SV2C: variants seen among roughly 807,000 people sequenced by gnomAD.
SV2C encodes solute carrier family 22 member B3.
SV2C carries 49 observed loss-of-function variants against 79.7 expected under a neutral mutation model. The observed-to-expected ratio is 0.61, with a 90% CI of 0.49 to 0.78. The LOEUF is 0.78. SV2C is among the 30% of genes least tolerant of loss of function. SV2C has a pLI of 0.00. For missense variants in SV2C, 833 were observed against 912.9 expected, an observed-to-expected ratio of 0.91 and a Z score of 1.13; for synonymous variants, 334 against 333.2, an observed-to-expected ratio of 1.00 and a Z score of -0.03.
rs551498472 is a variant in SV2C, at chr5:76,264,821, C to T, written c.914-20341C>T. On this transcript the variant is annotated intron_variant, in intron 4 of 12. Transcript: ENST00000502798. ...CTTCCTCTGGAAGGTTCTTCCCCAA[C>T]GGGCACCAGCCTGATGCCAGCTGGA... Among the ~76,000 whole-genome samples, 67 of 152,304 alleles carry T rather than the reference C, an allele frequency of 4.4e-4. 1 individual carries two copies. Among genetic ancestry groups the T allele is most frequent in the African/African-American group, 1.2e-3 (48 of 41,556 alleles).
At chr5:76,125,502 A>G (rs1170784730) in intron 1 of SV2C, among the ~76,000 whole-genome samples, 3 of 152,140 alleles carry the variant, frequency 2.0e-5, no homozygotes, top group African/African-American at 7.2e-5. Context: ...GAGGGTGGGG[A>G]ATTCTGTTAT....
the SV2C span, among the ~76,000 whole-genome samples, chr5:76,037,264 A>C: frequency 0.82 from 124,592 of 152,248 alleles, 51,597 homozygotes; most frequent in African/African-American, 0.95. Context: ...CATTCTATGT[A>C]CAGCTTTGTT....
the SV2C span, among the ~76,000 whole-genome samples, chr5:76,036,603 C>A: frequency 6.6e-6 from 1 of 152,192 alleles, no homozygotes; most frequent in Non-Finnish European, 1.5e-5. Context: ...AGAATTTCTG[C>A]CGAGAGATCT....
chr5:76,141,823 C>CA (rs11313342), intron 2 of SV2C, among the ~76,000 whole-genome samples: 19,825 of 72,438 alleles, frequency 0.27, 2,991 homozygotes, highest in Non-Finnish European at 0.36. Flanking sequence ...AAGTCCATCT[C>CA]AAAAAAAAAA....
At chr5:76,159,285 T>A (rs981063429) in intron 2 of SV2C, among the ~76,000 whole-genome samples, 2 of 152,006 alleles carry the variant, frequency 1.3e-5, no homozygotes, top group African/African-American at 2.4e-5. Flanking sequence ...GCTGGGGCAA[T>A]TAAGTGAGAA....
chr5:76,032,446 G>A, the SV2C span, among the ~76,000 whole-genome samples: 1 of 151,832 alleles, frequency 6.6e-6, no homozygotes, highest in Admixed American at 6.6e-5. Flanking sequence ...CCCTTCCTGT[G>A]TCCATGTGTT....
At chr5:76,037,487 T>C in the SV2C span, among the ~76,000 whole-genome samples, 79 of 152,258 alleles carry the variant, frequency 5.2e-4, no homozygotes, top group East Asian at 1.5e-3. Context: ...AGCTGCAGGT[T>C]TGTTGGAGTA....
chr5:76,335,414 CTTT>C (rs869230352), downstream of SV2C, among the ~76,000 whole-genome samples: 10 of 98,118 alleles, frequency 1.0e-4, no homozygotes, highest in African/African-American at 2.8e-4. Flanking sequence ...ACACATTTTC[CTTT>C]TTTTTTTTTT....
the SV2C span, among the ~76,000 whole-genome samples, chr5:76,034,554 T>C: frequency 6.6e-6 from 1 of 152,194 alleles, no homozygotes; most frequent in Non-Finnish European, 1.5e-5. Context: ...ATTACATTTA[T>C]TGATTTGCGT....
intron 4 of SV2C, among the ~76,000 whole-genome samples, chr5:76,221,609 G>T (rs1745067470): frequency 6.6e-6 from 1 of 152,166 alleles, no homozygotes; most frequent in Non-Finnish European, 1.5e-5. Context: ...TTTGAAGGTA[G>T]GCATAGTTTG....
chr5:76,269,822 A>T (rs1405105547), intron 4 of SV2C, among the ~76,000 whole-genome samples: 1 of 152,224 alleles, frequency 6.6e-6, no homozygotes, highest in African/African-American at 2.4e-5. Flanking sequence ...GAGAAGTGAT[A>T]GTGAATGAAA....
chr5:75,852,867 A>G, the SV2C span, among the ~76,000 whole-genome samples: 2 of 151,686 alleles, frequency 1.3e-5, no homozygotes, highest in Non-Finnish European at 2.9e-5. Flanking sequence ...AAACTGCCTA[A>G]GGCAGGTTTT....
intron 3 of SV2C, among the ~76,000 whole-genome samples, chr5:76,206,519 T>C (rs1323815256): frequency 1.3e-5 from 2 of 152,240 alleles, no homozygotes; most frequent in African/African-American, 2.4e-5. Context: ...CCTCAACTTC[T>C]ATTATGGTCA....
chr5:75,912,561 G>C, the SV2C span, among the ~76,000 whole-genome samples: 1 of 152,156 alleles, frequency 6.6e-6, no homozygotes, highest in Non-Finnish European at 1.5e-5. Flanking sequence ...TGTAAAAAAT[G>C]TCAAAAAATA....
At chr5:76,207,123 A>G (rs890544772) in intron 3 of SV2C, among the ~76,000 whole-genome samples, 1 of 151,884 alleles carries the variant, frequency 6.6e-6, no homozygotes. Context: ...GAAAACTAAC[A>G]GGCAAATCTA....
intron 4 of SV2C, among the ~76,000 whole-genome samples, chr5:76,221,476 C>A (rs567914370): frequency 6.6e-5 from 10 of 152,186 alleles, no homozygotes; most frequent in African/African-American, 2.4e-4. Flanking sequence ...CTTAGGGGTG[C>A]CGCCTGCTGT....
chr5:75,963,186 ACTGATCAC>A, the SV2C span, among the ~76,000 whole-genome samples: 58 of 152,252 alleles, frequency 3.8e-4, 1 homozygote, highest in South Asian at 8.9e-3. Flanking sequence ...TACTCGTTCC[ACTGATCAC>A]CTTTGAAAAA....
chr5:75,994,838 G>C, the SV2C span, among the ~76,000 whole-genome samples: 19 of 152,114 alleles, frequency 1.2e-4, no homozygotes, highest in African/African-American at 4.3e-4. Flanking sequence ...AGGACAGCTA[G>C]TGTTATAATT....
intron 12 of SV2C, among the ~76,000 whole-genome samples, chr5:76,322,838 A>G (rs1748875325): frequency 6.6e-6 from 1 of 152,254 alleles, no homozygotes; most frequent in Non-Finnish European, 1.5e-5. Flanking sequence ...AGCCATATTC[A>G]GAAAACTGAA....
Sources: allele counts gnomAD v4.1 joint callset (sites outside exome capture counted in the v4.1 genomes callset), GRCh38; gene constraint gnomAD v4.1.1; transcripts MANE v1.5; gene names NCBI Gene and HGNC (gene_info 2026-07-23, HGNC 2026-07-21).